SND1: variants seen among roughly 807,000 people sequenced by gnomAD.
The protein encoded by SND1 is staphylococcal nuclease domain-containing protein 1.
In SND1, 38 loss-of-function variants were observed where a neutral mutation model predicts 121.7. The ratio of observed to expected loss-of-function variants is 0.31; its 90% CI spans 0.24 to 0.41. The LOEUF (loss-of-function observed/expected upper bound fraction) is 0.41, where lower values mean the gene tolerates loss of function less well. Ranked by LOEUF, SND1 falls within the 10% of genes least tolerant of loss-of-function variation. SND1 has a pLI of 1.00. For synonymous variants in SND1, 401 were observed against 447.4 expected (o/e 0.90, Z 1.31); for missense variants, 868 against 1,184.6 (o/e 0.73, Z 3.92).
intron 3 of SND1, among the ~76,000 whole-genome samples, chr7:127,697,508 A>G (rs1052786118): frequency 6.6e-6 from 1 of 152,028 alleles, no homozygotes; most frequent in East Asian, 1.9e-4. Flanking sequence ...TCACTGCTCA[A>G]TTTTCCCTTA....
At position 127,904,826 on chromosome 7, in the gene SND1, C is replaced by T. The variant is rs778702887; in HGVS notation, c.1527+7C>T. Reference sequence around the variant, plus strand: ...TGTTGCAGATATATCTGGGGTGAGTCGAGTCCCTGAATCAAGCTGTGTGGC... The same window carrying T: ...TGTTGCAGATATATCTGGGGTGAGTTGAGTCCCTGAATCAAGCTGTGTGGC... On this transcript the variant is annotated splice_region_variant and intron_variant, in intron 14 of 23. Coordinates refer to ENST00000354725, the MANE Select transcript of SND1 (RefSeq NM_014390.4). 29 of 1,582,860 alleles carry T rather than the reference C, an allele frequency of 1.8e-5. No homozygotes were observed. The highest frequency in any genetic ancestry group is 2.2e-5 in the Non-Finnish European group (25 of 1,151,834).
chr7:127,951,116 C>T (rs1359858202), intron 15 of SND1, among the ~76,000 whole-genome samples: 1 of 152,188 alleles, frequency 6.6e-6, no homozygotes, highest in Non-Finnish European at 1.5e-5. Flanking sequence ...TACTTGCAGT[C>T]CCCTGTTCAT....
At chr7:127,733,237 C>T (rs1471285350) in intron 10 of SND1, among the ~76,000 whole-genome samples, 8 of 152,096 alleles carry the variant, frequency 5.3e-5, no homozygotes, top group Non-Finnish European at 1.2e-4. Context: ...CTATTTTCTG[C>T]CTAATTGTAA....
chr7:127,949,929 C>A (rs929001604), intron 15 of SND1, among the ~76,000 whole-genome samples: 3 of 152,214 alleles, frequency 2.0e-5, no homozygotes, highest in Non-Finnish European at 4.4e-5. Flanking sequence ...CCTCCACTCC[C>A]TTCCCTCTCA....
Position 127,838,930 on chromosome 7 carries a change from T to C in SND1, c.1243-5394T>C, listed in dbSNP as rs78159459. On this transcript the variant is annotated intron_variant, in intron 11 of 23. Coordinates refer to ENST00000354725, the MANE Select transcript of SND1 (RefSeq NM_014390.4). ...GGCACTTAGATAGAACGTACAATGA[T>C]TCAAGCACTGTTCTAAATGATACAT... Among the ~76,000 whole-genome samples, 77 of 152,320 alleles carry C rather than the reference T, an allele frequency of 5.1e-4. 1 individual carries two copies. In the East Asian group the frequency reaches 0.013, roughly 25 times the overall value.
At chr7:128,075,444 C>T (rs1793491503) in intron 17 of SND1, among the ~76,000 whole-genome samples, 1 of 152,192 alleles carries the variant, frequency 6.6e-6, no homozygotes, top group Non-Finnish European at 1.5e-5. Flanking sequence ...ATGGGGCAGC[C>T]ATCTGGCTCA....
At chr7:127,698,616 C>A (rs989044086) in intron 3 of SND1, among the ~76,000 whole-genome samples, 2 of 152,074 alleles carry the variant, frequency 1.3e-5, no homozygotes, top group African/African-American at 4.8e-5. Flanking sequence ...CCTGAGATTG[C>A]GTTTGGCCTG....
At chr7:128,067,726 G>A (rs187096724) in intron 16 of SND1, among the ~76,000 whole-genome samples, 1 of 152,272 alleles carries the variant, frequency 6.6e-6, no homozygotes, top group Non-Finnish European at 1.5e-5. Context: ...GTGCACTGCA[G>A]TAACGCCTGT....
chr7:127,870,159 C>A (rs1799555623), intron 12 of SND1, among the ~76,000 whole-genome samples: 1 of 152,124 alleles, frequency 6.6e-6, no homozygotes, highest in Admixed American at 6.6e-5. Flanking sequence ...AGTCAAGATT[C>A]TTTCAGTAAT....
intron 22 of SND1, among the ~76,000 whole-genome samples, chr7:128,090,527 C>G (rs1008971622): frequency 7.2e-5 from 11 of 152,212 alleles, no homozygotes; most frequent in Admixed American, 1.3e-4. Context: ...ACAGAGCTGC[C>G]GTCTCCTGGC....
In SND1 at chr7:128,015,773, C is replaced by T. The variant is rs1194684545; in HGVS notation, c.1779+24717C>T. Among the ~76,000 whole-genome samples, 1 of 152,134 alleles carries T rather than the reference C, an allele frequency of 6.6e-6. No individual in the cohort carries two copies. Among genetic ancestry groups the T allele is most frequent in the Non-Finnish European group, 1.5e-5 (1 of 68,016 alleles). On this transcript the variant is annotated intron_variant, in intron 16 of 23. Coordinates refer to ENST00000354725, the MANE Select transcript of SND1 (RefSeq NM_014390.4). This position sits in a 1 kb window ranked among gnomAD's most constrained non-coding sequence, Gnocchi z 4.5. ...TCCCCATTGCTGGCTTCTTGGTGAG[C>T]AGCAGAAATTTGGAGCTGTACAGGA...
intron 12 of SND1, among the ~76,000 whole-genome samples, chr7:127,857,434 A>G (rs1056923924): frequency 7.0e-6 from 1 of 143,140 alleles, no homozygotes; most frequent in African/African-American, 2.6e-5. Flanking sequence ...CCATCTCCTG[A>G]CCTCGTGATC....
chr7:127,926,782 G>A (rs967071750), intron 14 of SND1, among the ~76,000 whole-genome samples: 8 of 150,622 alleles, frequency 5.3e-5, no homozygotes, highest in African/African-American at 9.8e-5. Context: ...TAGTAGAGAC[G>A]GGGTTTCACC....
At chr7:127,886,560 A>C (rs1799913174) in intron 12 of SND1, among the ~76,000 whole-genome samples, 1 of 152,132 alleles carries the variant, frequency 6.6e-6, no homozygotes, top group African/African-American at 2.4e-5. Context: ...CCTTTGGTGT[A>C]ATTATGACAG....
At chr7:127,749,957 A>G (rs1241121637) in intron 10 of SND1, among the ~76,000 whole-genome samples, 2 of 152,170 alleles carry the variant, frequency 1.3e-5, no homozygotes. Context: ...CATAGACGCC[A>G]GGCTTGGTAG....
intron 14 of SND1, among the ~76,000 whole-genome samples, chr7:127,923,405 C>A (rs1350036551): frequency 5.3e-5 from 8 of 152,202 alleles, no homozygotes; most frequent in African/African-American, 1.9e-4. Flanking sequence ...AAGTTTACGC[C>A]CTCCCTGGTC....
intron 16 of SND1, among the ~76,000 whole-genome samples, chr7:128,006,194 C>T (rs758595456): frequency 2.0e-5 from 3 of 152,100 alleles, no homozygotes; most frequent in African/African-American, 7.2e-5. Context: ...TTCTCAGCTT[C>T]TTTTTCTGCC....
chr7:127,689,991 T>TA (rs1795885009), intron 2 of SND1, among the ~76,000 whole-genome samples: 1 of 136,636 alleles, frequency 7.3e-6, no homozygotes, highest in African/African-American at 2.8e-5. Flanking sequence ...TCTGCCTCCT[T>TA]AAAACCTCTC....
At chr7:128,005,031 G>A (rs1802926397) in intron 16 of SND1, among the ~76,000 whole-genome samples, 2 of 152,258 alleles carry the variant, frequency 1.3e-5, no homozygotes, top group African/African-American at 4.8e-5. Flanking sequence ...GCCAGGGAGT[G>A]AGGTTAGTAA....
Sources: gnomAD v4.1 joint callset for allele counts (sites outside exome capture counted in the v4.1 genomes callset) on GRCh38, gnomAD v4.1.1 for gene constraint, Gnocchi (gnomAD v3.1) non-coding constraint, MANE v1.5 for transcripts, NCBI Gene and HGNC (gene_info 2026-07-23, HGNC 2026-07-21) for gene names.